Variants in ZNF12 observed in about 807,000 individuals in gnomAD.
ZNF12 encodes zinc finger protein 12, also known as gonadotropin inducible transcription repressor 3.
Under a neutral mutation model 66.6 loss-of-function variants are expected in ZNF12, and 34 were observed. The ratio of observed to expected loss-of-function variants is 0.51; its 90% CI spans 0.39 to 0.68. ZNF12 has a LOEUF of 0.68. Among genes scored for constraint, ZNF12 ranks in the 30% least tolerant of loss-of-function variants. The pLI is 0.00. For synonymous variants in ZNF12, 320 were observed against 278.9 expected (o/e 1.15, Z -1.47); for missense variants, 697 against 826.9 (o/e 0.84, Z 1.93).
chr7:6,690,938 T>C lies in ZNF12; in HGVS notation c.2004A>G (p.Lys668=). Residue 668 remains lysine, a synonymous_variant, in exon 5 of 5, where the codon AAA becomes AAG. Coordinates refer to ENST00000405858, the MANE Select transcript of ZNF12 (RefSeq NM_016265.4). ...EKPYECTECG[K]KFYHKSAFNS... ...TGAATGCTGATTTGTGGTAGAATTTTTTTCCACATTCAGTACACTCATAGG... is the reference window on the plus strand; with the variant it reads ...TGAATGCTGATTTGTGGTAGAATTTCTTTCCACATTCAGTACACTCATAGG... The C allele has an allele frequency of 6.2e-7, 1 of 1,614,170 alleles. No homozygotes were observed. The highest frequency in any genetic ancestry group is 8.5e-7 in the Non-Finnish European group (1 of 1,179,990).
rs1780344525 is a variant in ZNF12, at chr7:6,705,723, C to CA, written c.-50-501dup. ...AACAAAGCGAAACTTGTCTCAAAAA[C>CA]AAACAAACAAACAAACAAAAAACAA... On this transcript the variant is annotated intron_variant, in intron 1 of 4. Transcript: ENST00000405858. The surrounding 1 kb of genome is among the most constrained non-coding windows in gnomAD (Gnocchi z 4.0). 6.7e-6 allele frequency among the ~76,000 whole-genome samples: 1 copy of CA among 149,146 alleles called. No individual in the cohort carries two copies. The highest frequency in any genetic ancestry group is 1.5e-5 in the Non-Finnish European group (1 of 67,378).
rs1297696211 is a variant in ZNF12 at position 6,706,295 on chromosome 7, A to G, written c.-51+137T>C. 1.4e-5 allele frequency: 6 copies of G among 417,914 alleles called. No homozygotes were observed. The East Asian group carries it at 4.6e-4, about 32-fold the overall frequency. 25.9% of individuals were successfully genotyped at this position (417,914 alleles called of 1,614,324 possible). ...CCCCCGTAAGCCTCGTCCTCGCCGG[A>G]CCCTGCCTTCAAACCCAAACACACG... On this transcript the variant is annotated intron_variant, in intron 1 of 4. Coordinates refer to ENST00000405858, the MANE Select transcript of ZNF12 (RefSeq NM_016265.4).
chr7:6,691,757 T>G lies in ZNF12; in HGVS notation c.1185A>C (p.Ala395=), dbSNP rs1282130948. ...TGTGAATTTTCTGATGGTCATTAAG[T>G]GCTGACTTCTGCGAGAAGGTTTTCC... ...DCGKTFSQKS[A]LNDHQKIHTG... The change falls in exon 5 of 5, where the codon GCA becomes GCC. Residue 395 remains alanine, a synonymous_variant. Transcript: ENST00000405858. 1.2e-6 allele frequency: 2 copies of G among 1,613,776 alleles called. No homozygotes were observed. The highest frequency in any genetic ancestry group is 1.7e-6 in the Non-Finnish European group (2 of 1,179,856).
At chr7:6,701,363 G>A (rs143344083) in intron 2 of ZNF12, among the ~76,000 whole-genome samples, 245 of 152,276 alleles carry the variant, frequency 1.6e-3, no homozygotes, top group African/African-American at 5.6e-3. Flanking sequence ...AATGCTAGCT[G>A]AGCAGAAGGA....
In ZNF12 at chr7:6,697,950, CAT is replaced by C. The variant is rs1780177775; in HGVS notation, c.16-141_16-140del. 9.5e-7 allele frequency: 1 copy of C among 1,051,372 alleles called. No individual in the cohort carries two copies. The highest frequency in any genetic ancestry group is 1.5e-6 in the Non-Finnish European group (1 of 678,924). 65.1% of individuals were successfully genotyped at this position (1,051,372 alleles called of 1,614,324 possible). ...TTACAGACTGTCAAAGGGAAACAAACATATCAGAAATACACTGTTCTGGGGTT... is the reference window on the plus strand; with the variant it reads ...TTACAGACTGTCAAAGGGAAACAAACATCAGAAATACACTGTTCTGGGGTT... On this transcript the variant is annotated intron_variant, in intron 2 of 4. Transcript: ENST00000405858. The surrounding 1 kb of genome is among the most constrained non-coding windows in gnomAD (Gnocchi z 6.1).
rs1469099489 is a variant in ZNF12, at chr7:6,696,033, A to G, written c.238+1306T>C. Reference sequence around the variant, plus strand: ...AATATTGTTGAGATCCTTAAGGGACAAGGAATTAAAATTCCCTTTAGGAAG... The same window carrying G: ...AATATTGTTGAGATCCTTAAGGGACGAGGAATTAAAATTCCCTTTAGGAAG... On this transcript the variant is annotated intron_variant, in intron 4 of 4. Coordinates refer to ENST00000405858, the MANE Select transcript of ZNF12 (RefSeq NM_016265.4). The surrounding 1 kb of genome is among the most constrained non-coding windows in gnomAD (Gnocchi z 4.0). Among the ~76,000 whole-genome samples, 1 of 152,230 alleles carries G rather than the reference A, an allele frequency of 6.6e-6. No homozygotes were observed. Among genetic ancestry groups the G allele is most frequent in the African/African-American group, 2.4e-5 (1 of 41,458 alleles).
rs949897713 is a variant in ZNF12 at position 6,704,740 on chromosome 7, C to CAAAAAAAAAAAA, written c.15+407_15+418dup. On this transcript the variant is annotated intron_variant, in intron 2 of 4. Transcript: ENST00000405858. ...GGTGACAGAGCGCAATACTTGGTCT[C>CAAAAAAAAAAAA]AAAAAAAAAAAAAAAAAAAAAAAAA... Among the ~76,000 whole-genome samples, 57 of 32,254 alleles carry CAAAAAAAAAAAA rather than the reference C, an allele frequency of 1.8e-3. 2 individuals carry two copies. The highest frequency in any genetic ancestry group is 5.4e-3 in the African/African-American group (54 of 10,006). The allele number at this position is 32,254 out of a possible 152,430, so 21.2% of individuals were successfully genotyped here. A position where few individuals can be genotyped will look rare whatever the true frequency, so the allele number is the denominator to read the frequency against.
At chr7:6,701,185 A>C (rs1020300654) in intron 2 of ZNF12, among the ~76,000 whole-genome samples, 3 of 152,150 alleles carry the variant, frequency 2.0e-5, no homozygotes, top group African/African-American at 7.2e-5. Context: ...TCATCACTTC[A>C]GAGTTTCCCA....
Position 6,706,765 on chromosome 7 carries a change from G to T in ZNF12, c.-384C>A, listed in dbSNP as rs906293520. The T allele has an allele frequency of 4.3e-6, 1 of 234,330 alleles. No homozygotes were observed. Among genetic ancestry groups the T allele is most frequent in the African/African-American group, 2.4e-5 (1 of 41,926 alleles). 14.5% of individuals were successfully genotyped at this position (234,330 alleles called of 1,614,324 possible). A position where few individuals can be genotyped will look rare whatever the true frequency, so the allele number is the denominator to read the frequency against. The stretch of plus-strand genomic sequence containing the variant: ...GGGCCCCAGCGCCGTCGGCTCCGGG[G>T]GTCGTGCTCGGGGATCCCCGCTTGA... On this transcript the variant is annotated 5_prime_UTR_variant, in exon 1 of 5. Coordinates refer to ENST00000405858, the MANE Select transcript of ZNF12 (RefSeq NM_016265.4).
chr7:6,692,757 T>C lies in ZNF12; in HGVS notation c.239-54A>G, dbSNP rs1005734834. The C allele has an allele frequency of 1.2e-5, 18 of 1,470,594 alleles. No individual in the cohort carries two copies. Among genetic ancestry groups the C allele is most frequent in the Non-Finnish European group, 1.5e-5 (17 of 1,099,338 alleles). 91.1% of individuals were successfully genotyped at this position (1,470,594 alleles called of 1,614,324 possible). A position where few individuals can be genotyped will look rare whatever the true frequency, so the allele number is the denominator to read the frequency against. ...TGTACATCTTCCTATATATATATGATATGGAATGAGATTCATGATTTGTAC... is the reference window on the plus strand; with the variant it reads ...TGTACATCTTCCTATATATATATGACATGGAATGAGATTCATGATTTGTAC... On this transcript the variant is annotated intron_variant, in intron 4 of 4. Coordinates refer to ENST00000405858, the MANE Select transcript of ZNF12 (RefSeq NM_016265.4). This position sits in a 1 kb window ranked among gnomAD's most constrained non-coding sequence, Gnocchi z 5.1.
In ZNF12 at chr7:6,705,665, G is replaced by A. The variant is rs1161803748; in HGVS notation, c.-50-442C>T. 6.6e-6 allele frequency among the ~76,000 whole-genome samples: 1 copy of A among 151,958 alleles called. No homozygotes were observed. The highest frequency in any genetic ancestry group is 2.4e-5 in the African/African-American group (1 of 41,298). ...ACCCGGGAGGCGGAGGTTGCAGTGAGCTGGGATGGCACCATTGCACTCCAG... is the reference window on the plus strand; with the variant it reads ...ACCCGGGAGGCGGAGGTTGCAGTGAACTGGGATGGCACCATTGCACTCCAG... On this transcript the variant is annotated intron_variant, in intron 1 of 4. Transcript: ENST00000405858. The surrounding 1 kb of genome is among the most constrained non-coding windows in gnomAD (Gnocchi z 4.0).
intron 4 of ZNF12, among the ~76,000 whole-genome samples, chr7:6,694,448 G>T (rs1264027764): frequency 6.6e-6 from 1 of 152,184 alleles, no homozygotes; most frequent in African/African-American, 2.4e-5. Flanking sequence ...AAGCTAGGAT[G>T]ACAGTCATCT....
At position 6,691,913 on chromosome 7, in the gene ZNF12, A is replaced by G; in HGVS notation, c.1029T>C (p.His343=). The change falls in exon 5 of 5, where the codon CAT becomes CAC. Residue 343 remains histidine (H), a synonymous_variant. Coordinates refer to ENST00000405858, the MANE Select transcript of ZNF12 (RefSeq NM_016265.4). ...GCTTCTCTCCTGAGTGAGTTCTCTG[A>G]TGCTGAATGAGGTGTAACTTCTGGT... is the stretch of plus-strand genomic sequence containing the variant. ...NFYQKLHLIQ[H]QRTHSGEKPY... The G allele has an allele frequency of 6.2e-7, 1 of 1,614,216 alleles. No homozygotes were observed. The highest frequency in any genetic ancestry group is 8.5e-7 in the Non-Finnish European group (1 of 1,180,046).
chr7:6,702,011 C>T (rs34143375), intron 2 of ZNF12, among the ~76,000 whole-genome samples: 1 of 151,694 alleles, frequency 6.6e-6, no homozygotes, highest in Non-Finnish European at 1.5e-5. Context: ...CCACTCTCTC[C>T]TAAACCTCTC....
intron 2 of ZNF12, among the ~76,000 whole-genome samples, chr7:6,701,929 T>C (rs913679405): frequency 3.4e-5 from 5 of 148,380 alleles, no homozygotes; most frequent in African/African-American, 1.3e-4. Flanking sequence ...AATTTCTCTT[T>C]TTCCTTTAGG....
At position 6,706,638 on chromosome 7, in the gene ZNF12, G is replaced by A; in HGVS notation, c.-257C>T. ...CAGATCCGTCTCCCTGGGGCTCACC[G>A]TCCTGCGGAGCCGGGGCCGGGCCGT... On this transcript the variant is annotated 5_prime_UTR_variant, in exon 1 of 5. It adds an upstream start codon to the 5' untranslated region. Transcript: ENST00000405858. 2.5e-6 allele frequency: 1 copy of A among 407,936 alleles called. No homozygotes were observed. Among genetic ancestry groups the A allele is most frequent in the Non-Finnish European group, 4.9e-6 (1 of 203,620 alleles). The allele number at this position is 407,936 out of a possible 1,614,324, so 25.3% of individuals were successfully genotyped here.
rs1347890389 is a variant in ZNF12, at chr7:6,689,348, A to G, written c.*1500T>C. Reference sequence around the variant, plus strand: ...TCCAGACAAGGTACTGTTCACCACAAGATTCCACTTCCCTTTGCTTGAATC... The same window carrying G: ...TCCAGACAAGGTACTGTTCACCACAGGATTCCACTTCCCTTTGCTTGAATC... On this transcript the variant is annotated 3_prime_UTR_variant, in exon 5 of 5. Transcript: ENST00000405858. 6.6e-6 allele frequency: 1 copy of G among 152,264 alleles called. No individual in the cohort carries two copies. Among genetic ancestry groups the G allele is most frequent in the Non-Finnish European group, 1.5e-5 (1 of 68,068 alleles). 9.4% of individuals were successfully genotyped at this position (152,264 alleles called of 1,614,324 possible).
At chr7:6,703,983 G>T (rs1780304230) in intron 2 of ZNF12, among the ~76,000 whole-genome samples, 1 of 152,206 alleles carries the variant, frequency 6.6e-6, no homozygotes, top group Non-Finnish European at 1.5e-5. Flanking sequence ...CTATGCCAGA[G>T]ATTTATTATG....
intron 4 of ZNF12, among the ~76,000 whole-genome samples, chr7:6,694,851 C>T (rs548268769): frequency 6.6e-6 from 1 of 152,150 alleles, no homozygotes; most frequent in Non-Finnish European, 1.5e-5. Flanking sequence ...CATTTTAATA[C>T]AAAGTGACTC....
Sources: allele counts gnomAD v4.1 joint callset (sites outside exome capture counted in the v4.1 genomes callset), GRCh38; gene constraint gnomAD v4.1.1; non-coding constraint Gnocchi (gnomAD v3.1); transcripts MANE v1.5; gene names NCBI Gene and HGNC (gene_info 2026-07-23, HGNC 2026-07-21).